The following SCAF11 variants were observed in gnomAD, a reference collection of about 807,000 sequenced individuals.
The protein encoded by SCAF11 is SR-related CTD associated factor 11, also known as protein SCAF11.
In SCAF11, 47 loss-of-function variants were observed where a neutral mutation model predicts 140.5. That is an observed-to-expected ratio of 0.33 (90% CI 0.26 to 0.43). The LOEUF is 0.43. SCAF11 is among the 20% of genes least tolerant of loss of function. The pLI, the probability that SCAF11 is intolerant of heterozygous loss-of-function variation, is 1.00. For synonymous variants in SCAF11, 557 were observed against 579.4 expected (o/e 0.96, Z 0.55); for missense variants, 1,645 against 1,705.1 (o/e 0.96, Z 0.62).
intron 3 of SCAF11, among the ~76,000 whole-genome samples, chr12:45,954,557 TCTAAG>T (rs1176684636): frequency 6.6e-6 from 1 of 150,800 alleles, no homozygotes; most frequent in Non-Finnish European, 1.5e-5. Flanking sequence ...ACAGTTTTAA[TCTAAG>T]CTGTTACTTT....
intron 1 of SCAF11, among the ~76,000 whole-genome samples, chr12:45,973,686 GAAC>G (rs1277105181): frequency 6.6e-6 from 1 of 152,138 alleles, no homozygotes; most frequent in Non-Finnish European, 1.5e-5. Context: ...GAAGAAAGGG[GAAC>G]AACATCCTTC....
At chr12:45,954,992 A>G (rs1945651091) in intron 3 of SCAF11, 1 of 151,986 alleles carries the variant, frequency 6.6e-6, no homozygotes, top group South Asian at 2.1e-4. Context: ...CATTTTAAGA[A>G]AAGGCTCCAC....
chr12:45,934,257 T>C lies in SCAF11; in HGVS notation c.551A>G (p.Gln184Arg). 1 of 1,610,368 alleles carries C rather than the reference T, an allele frequency of 6.2e-7. No homozygotes were observed. The highest frequency in any genetic ancestry group is 8.5e-7 in the Non-Finnish European group (1 of 1,177,940). The part of the protein sequence containing the change: ...KPQRSNWSTN[Q>R]CFRNFFSNMF... ...ATTGGAGAAAAAATTTCTGAAGCAC[T>C]GATTTGTACTCCAATTTGATCTCTG... Residue 184 changes from glutamine (Q) to arginine (R), a missense_variant, in exon 8 of 15, where the codon CAG becomes CGG. Gln to Arg is a conservative substitution (Grantham distance 43). Transcript: ENST00000369367.
Position 45,934,179 on chromosome 12 carries a change from T to C in SCAF11, c.629A>G (p.Tyr210Cys). Residue 210 changes from tyrosine to cysteine, a missense_variant, in exon 8 of 15, where the codon TAT (tyrosine) becomes TGT (cysteine). By Grantham distance (194) the Tyr-to-Cys change is radical (BLOSUM62 -2). This residue lies in a region of SCAF11 where 1,582 missense variants were observed against 1,609.2 expected (regional missense o/e 0.98). Coordinates refer to ENST00000369367, the MANE Select transcript of SCAF11 (RefSeq NM_004719.3). The stretch of plus-strand genomic sequence containing the variant: ...ATTAAAAGTAGAAAATACTAACCAA[T>C]AAGCTCTATAGGTAAAGGAAGATTC... ...SGESSFTYRA[Y>C]CTEFIEASEI... 6.6e-7 allele frequency: 1 copy of C among 1,510,286 alleles called. No individual in the cohort carries two copies. Among genetic ancestry groups the C allele is most frequent in the Non-Finnish European group, 9.1e-7 (1 of 1,098,230 alleles). 93.6% of individuals were successfully genotyped at this position (1,510,286 alleles called of 1,614,324 possible).
intron 1 of SCAF11, among the ~76,000 whole-genome samples, chr12:45,979,108 G>GA (rs947819389): frequency 0.014 from 4 of 278 alleles, no homozygotes; most frequent in African/African-American, 0.028. Context: ...TAGGCTGTGA[G>GA]GCTATGCCCT....
chr12:45,959,216 C>T (rs551071302), intron 3 of SCAF11, among the ~76,000 whole-genome samples: 95 of 151,672 alleles, frequency 6.3e-4, no homozygotes, highest in African/African-American at 2.3e-3. Flanking sequence ...TGCAGTGAGC[C>T]GAGATGGTTC....
In SCAF11 at chr12:45,952,020, T is replaced by C. The variant is rs191516775; in HGVS notation, c.220-293A>G. Among the ~76,000 whole-genome samples, 155 of 152,282 alleles carry C rather than the reference T, an allele frequency of 1.0e-3. 1 individual carries two copies. The highest frequency in any genetic ancestry group is 1.8e-4 in the Non-Finnish European group (12 of 68,022). On this transcript the variant is annotated intron_variant, in intron 3 of 14. Coordinates refer to ENST00000369367, the MANE Select transcript of SCAF11 (RefSeq NM_004719.3). ...GAAAGATGAGTTGGGCTGACAGCAG[T>C]AGTTCTGTGATGTAAAGCTGGCTGT...
At chr12:45,946,414 G>T (rs1453929175) in intron 5 of SCAF11, among the ~76,000 whole-genome samples, 1 of 152,220 alleles carries the variant, frequency 6.6e-6, no homozygotes, top group East Asian at 1.9e-4. Context: ...AGCTGACAGA[G>T]ATTTTCCACC....
intron 1 of SCAF11, among the ~76,000 whole-genome samples, chr12:45,982,507 G>C (rs1265028236): frequency 6.6e-6 from 1 of 152,130 alleles, no homozygotes; most frequent in African/African-American, 2.4e-5. Flanking sequence ...AGGAGTTCGA[G>C]ATCAGCCTGA....
intron 6 of SCAF11, chr12:45,935,057 A>ACATCTGACTGTTGT (rs1945139545): frequency 6.6e-6 from 1 of 152,276 alleles, no homozygotes; most frequent in African/African-American, 2.4e-5. Context: ...GTGCTGACTG[A>ACATCTGACTGTTGT]AACAGCTTTC....
At position 45,954,027 on chromosome 12, in the gene SCAF11, C is replaced by T. The variant is rs148458290; in HGVS notation, c.220-2300G>A. Among the ~76,000 whole-genome samples the T allele has an allele frequency of 3.5e-4, 53 of 152,230 alleles. 1 individual carries two copies. Among genetic ancestry groups the T allele is most frequent in the African/African-American group, 1.2e-3 (51 of 41,532 alleles). ...TTATTGGAATTTGCAAAGTTTATGA[C>T]GTAGATGGAAATCCAAGTACTTCAT... On this transcript the variant is annotated intron_variant, in intron 3 of 14. Transcript: ENST00000369367.
At chr12:45,948,674 T>G in intron 4 of SCAF11, 137 bp from the exon 5 acceptor site, 1 of 603,802 alleles carries the variant, frequency 1.7e-6, no homozygotes, top group South Asian at 2.0e-5. Flanking sequence ...ATATGCTTAT[T>G]CATTCAAGCA....
intron 2 of SCAF11, among the ~76,000 whole-genome samples, chr12:45,962,748 C>T (rs1400761657): frequency 2.0e-5 from 3 of 152,146 alleles, no homozygotes; most frequent in Non-Finnish European, 2.9e-5. Flanking sequence ...GAAAACTAAT[C>T]CTGATAGACT....
At chr12:45,935,942 TTTTCA>T (rs546668188) in intron 6 of SCAF11, among the ~76,000 whole-genome samples, 141 of 152,312 alleles carry the variant, frequency 9.3e-4, no homozygotes, top group African/African-American at 3.2e-3. Flanking sequence ...GTGATACGCC[TTTTCA>T]TTTAATTTTT....
chr12:45,965,881 T>C (rs1273193440), intron 1 of SCAF11, among the ~76,000 whole-genome samples: 2 of 152,158 alleles, frequency 1.3e-5, no homozygotes, highest in Non-Finnish European at 2.9e-5. Flanking sequence ...GTTCAAAAAC[T>C]AACCATAAAA....
chr12:45,968,201 T>C (rs1407305789), intron 1 of SCAF11, among the ~76,000 whole-genome samples: 1 of 152,240 alleles, frequency 6.6e-6, no homozygotes, highest in Non-Finnish European at 1.5e-5. Context: ...GTATTTTCTT[T>C]TATTGGTTCT....
chr12:45,990,469 A>G lies in SCAF11; in HGVS notation c.-138T>C, dbSNP rs1164493328. 33 of 1,231,242 alleles carry G rather than the reference A, an allele frequency of 2.7e-5. No individual in the cohort carries two copies. Among genetic ancestry groups the G allele is most frequent in the Admixed American group, 4.2e-5 (1 of 23,670 alleles). 76.3% of individuals were successfully genotyped at this position (1,231,242 alleles called of 1,614,324 possible). On this transcript the variant is annotated 5_prime_UTR_variant, in exon 1 of 15. Coordinates refer to ENST00000369367, the MANE Select transcript of SCAF11 (RefSeq NM_004719.3). ...ACTCCTTCGTCCGCTTTGTGGTGTT[A>G]CAGGGTCTCTAGGACACTGACTCCG... is the stretch of plus-strand genomic sequence containing the variant.
rs2136488916 is a variant in SCAF11, at chr12:45,921,922, T to C, written c.*126A>G. The C allele has an allele frequency of 8.9e-7, 1 of 1,119,262 alleles. No homozygotes were observed. Among genetic ancestry groups the C allele is most frequent in the Non-Finnish European group, 1.3e-6 (1 of 783,706 alleles). 69.3% of individuals were successfully genotyped at this position (1,119,262 alleles called of 1,614,324 possible). A position where few individuals can be genotyped will look rare whatever the true frequency, so the allele number is the denominator to read the frequency against. On this transcript the variant is annotated 3_prime_UTR_variant, in exon 15 of 15. Transcript: ENST00000369367. Reference sequence around the variant, plus strand: ...ATTTAGAACAAAACATCATATCCTATGTTAAAAAAATAATTTTATCAAAAC... The same window carrying C: ...ATTTAGAACAAAACATCATATCCTACGTTAAAAAAATAATTTTATCAAAAC...
At position 45,927,359 on chromosome 12, in the gene SCAF11, A is replaced by G. The variant is rs753467446; in HGVS notation, c.2342T>C (p.Ile781Thr). The G allele has an allele frequency of 6.8e-6, 11 of 1,613,976 alleles. No individual in the cohort carries two copies. The highest frequency in any genetic ancestry group is 8.5e-6 in the Non-Finnish European group (10 of 1,180,004). ...AGTACGAGGCTTTTTGGTTTTATCTATGGTATCTTTTGGGCTTTCAGATGG... is the reference window on the plus strand; with the variant it reads ...AGTACGAGGCTTTTTGGTTTTATCTGTGGTATCTTTTGGGCTTTCAGATGG... ...SQPSESPKDT[I>T]DKTKKPRTRR... The change falls in exon 11 of 15, where the codon ATA becomes ACA. Residue 781 changes from isoleucine (I) to threonine (T), a missense_variant. Ile to Thr is a moderately conservative substitution (Grantham distance 89). This residue lies in a region of SCAF11 where 1,582 missense variants were observed against 1,609.2 expected (regional missense o/e 0.98). Transcript: ENST00000369367.
Sources: gnomAD v4.1 joint callset for allele counts (sites outside exome capture counted in the v4.1 genomes callset) on GRCh38, gnomAD v4.1.1 for gene constraint, gnomAD v4.1.1 regional missense constraint, MANE v1.5 for transcripts, NCBI Gene and HGNC (gene_info 2026-07-23, HGNC 2026-07-21) for gene names.